The following RALYL variants were observed in gnomAD, a reference collection of about 807,000 sequenced individuals.
The protein encoded by RALYL is RNA-binding Raly-like protein.
In RALYL, 29 loss-of-function variants were observed where a neutral mutation model predicts 35.1. That is an observed-to-expected ratio of 0.83 (90% CI 0.61 to 1.13). The LOEUF is 1.13. RALYL is among the 50% of genes most tolerant of loss of function. The pLI is 0.00. For synonymous variants in RALYL, 120 were observed against 127.6 expected (o/e 0.94, Z 0.40); for missense variants, 359 against 360.4 (o/e 1.00, Z 0.03).
intron 4 of RALYL, among the ~76,000 whole-genome samples, chr8:84,835,502 TAAAAA>T (rs35745516): frequency 2.1e-5 from 2 of 96,320 alleles, no homozygotes. Context: ...CTGTCTCTAC[TAAAAA>T]AAAAAAAAAA....
chr8:84,399,424 T>C (rs1315556423), intron 1 of RALYL, among the ~76,000 whole-genome samples: 1 of 152,192 alleles, frequency 6.6e-6, no homozygotes, highest in Non-Finnish European at 1.5e-5. Flanking sequence ...TACAGGAACA[T>C]AGATTTATGA....
At chr8:84,671,470 C>T (rs1833226650) in intron 2 of RALYL, among the ~76,000 whole-genome samples, 1 of 152,232 alleles carries the variant, frequency 6.6e-6, no homozygotes, top group Admixed American at 6.5e-5. Context: ...GTCAGAGGTT[C>T]TCAATGAGGG....
intron 1 of RALYL, among the ~76,000 whole-genome samples, chr8:84,363,019 G>A (rs1472359437): frequency 1.3e-5 from 2 of 151,960 alleles, no homozygotes; most frequent in Non-Finnish European, 2.9e-5. Context: ...ATGAACTTAA[G>A]GATCATGAAG....
intron 1 of RALYL, among the ~76,000 whole-genome samples, chr8:84,419,551 T>C (rs1353184495): frequency 1.3e-5 from 2 of 152,130 alleles, no homozygotes; most frequent in African/African-American, 2.4e-5. Flanking sequence ...AACTTTTTTT[T>C]TTTTATTATT....
At chr8:84,431,358 A>AT (rs999991091) in intron 1 of RALYL, among the ~76,000 whole-genome samples, 9 of 151,408 alleles carry the variant, frequency 5.9e-5, no homozygotes, top group Middle Eastern at 3.4e-3. Context: ...CAAAGTTAGG[A>AT]TTTTTTTTTC....
At chr8:84,352,969 A>C (rs1851194877) in intron 1 of RALYL, among the ~76,000 whole-genome samples, 1 of 150,124 alleles carries the variant, frequency 6.7e-6, no homozygotes, top group African/African-American at 2.5e-5. Flanking sequence ...AAGTTAGGTA[A>C]GGTGCCAATT....
intron 1 of RALYL, among the ~76,000 whole-genome samples, chr8:84,218,407 A>G (rs1190230255): frequency 7.0e-5 from 10 of 142,448 alleles, no homozygotes; most frequent in African/African-American, 3.1e-4. Context: ...TCTTAAAAGG[A>G]AAAATGCTGT....
chr8:84,620,455 A>C (rs1564254936), intron 2 of RALYL, among the ~76,000 whole-genome samples: 2 of 151,762 alleles, frequency 1.3e-5, no homozygotes, highest in Non-Finnish European at 2.9e-5. Flanking sequence ...CAGCTCCTTT[A>C]GGCACTTCTC....
rs751821694 is a variant in RALYL at position 84,766,720 on chromosome 8, CAAAAAAAAA to C, written c.257-7839_257-7831del. The stretch of plus-strand genomic sequence containing the variant: ...GCCTGGCGACAGAGTGAGACTGTCT[CAAAAAAAAA>C]AAAAAAAAAAAAAAAAAAACTCCCA... On this transcript the variant is annotated intron_variant, in intron 2 of 8. Transcript: ENST00000521268. Among the ~76,000 whole-genome samples the C allele has an allele frequency of 2.8e-4, 5 of 18,018 alleles. No individual in the cohort carries two copies. The South Asian group carries it at 0.018, about 64-fold the overall frequency. The allele number at this position is 18,018 out of a possible 152,430, so 11.8% of individuals were successfully genotyped here.
rs568692242 is a variant in RALYL at position 84,369,862 on chromosome 8, G to C, written c.-23-159437G>C. On this transcript the variant is annotated intron_variant, in intron 1 of 8. Coordinates refer to ENST00000521268, the MANE Select transcript of RALYL (RefSeq NM_173848.7). ...TTTTCTTCCCAAAGAAAACTATTTA[G>C]GCATCAAATCAGTTAATATAATGAA... 2.6e-5 allele frequency among the ~76,000 whole-genome samples: 4 copies of C among 152,022 alleles called. No homozygotes were observed. The East Asian group carries it at 5.8e-4, about 22-fold the overall frequency.
intron 1 of RALYL, among the ~76,000 whole-genome samples, chr8:84,485,122 T>A (rs1194784978): frequency 6.6e-6 from 1 of 152,184 alleles, no homozygotes; most frequent in Non-Finnish European, 1.5e-5. Context: ...TATTGGAATA[T>A]TTAAGGGTTC....
intron 2 of RALYL, among the ~76,000 whole-genome samples, chr8:84,638,965 GACACACACACACACACAC>G (rs60361195): frequency 1.5e-3 from 175 of 116,070 alleles, no homozygotes; most frequent in African/African-American, 5.1e-3. Context: ...CACACACACA[GACACACACACACACACAC>G]ACACACACAC....
intron 2 of RALYL, among the ~76,000 whole-genome samples, chr8:84,542,263 T>C (rs1447734121): frequency 6.6e-6 from 1 of 152,204 alleles, no homozygotes; most frequent in African/African-American, 2.4e-5. Flanking sequence ...CTGGATTGTT[T>C]TGAAGTAAAT....
At chr8:84,426,409 A>T (rs944786831) in intron 1 of RALYL, among the ~76,000 whole-genome samples, 2 of 147,028 alleles carry the variant, frequency 1.4e-5, no homozygotes, top group Admixed American at 6.9e-5. Context: ...TGCCCCTTGT[A>T]ACTACTCTTT....
At chr8:84,308,637 C>A (rs1457984416) in intron 1 of RALYL, among the ~76,000 whole-genome samples, 6 of 152,044 alleles carry the variant, frequency 3.9e-5, no homozygotes, top group African/African-American at 1.4e-4. Context: ...AATTGTATTA[C>A]CCCATGGATT....
intron 8 of RALYL, among the ~76,000 whole-genome samples, chr8:84,908,934 T>A (rs1363102818): frequency 6.6e-6 from 1 of 151,976 alleles, no homozygotes; most frequent in Non-Finnish European, 1.5e-5. Context: ...ACTTGTTATA[T>A]CACATTGGAA....
At chr8:84,525,094 G>T (rs1268187128) in intron 1 of RALYL, among the ~76,000 whole-genome samples, 1 of 138,376 alleles carries the variant, frequency 7.2e-6, no homozygotes, top group Non-Finnish European at 1.6e-5. Flanking sequence ...GATTTGAAGG[G>T]TTCAAAAGTC....
intron 1 of RALYL, among the ~76,000 whole-genome samples, chr8:84,353,214 G>A (rs1481197613): frequency 6.7e-6 from 1 of 149,976 alleles, no homozygotes; most frequent in Non-Finnish European, 1.5e-5. Context: ...TCGAGGTGCT[G>A]GGGAATATAA....
chr8:84,204,933 T>C (rs1045578501), intron 1 of RALYL, among the ~76,000 whole-genome samples: 5 of 152,178 alleles, frequency 3.3e-5, no homozygotes, highest in Admixed American at 1.3e-4. Flanking sequence ...TTTATTCCTA[T>C]TTTATAGATG....
Sources: allele counts gnomAD v4.1 joint callset (sites outside exome capture counted in the v4.1 genomes callset), GRCh38; gene constraint gnomAD v4.1.1; transcripts MANE v1.5; gene names NCBI Gene and HGNC (gene_info 2026-07-23, HGNC 2026-07-21).